The following TCF4 variants were observed in gnomAD, a reference collection of about 807,000 sequenced individuals.
TCF4 encodes the protein SL3-3 enhancer factor 2.
In TCF4, 3 loss-of-function variants were observed where a neutral mutation model predicts 82.1. The observed-to-expected ratio is 0.04, with a 90% CI of 0.02 to 0.09. The LOEUF (loss-of-function observed/expected upper bound fraction) is 0.09. TCF4 is among the 10% of genes least tolerant of loss of function. The probability of loss-of-function intolerance (pLI) is 1.00; values close to 1 mark genes in which losing one functional copy is unlikely to be tolerated. For synonymous variants in TCF4, 276 were observed against 309.6 expected (o/e 0.89, Z 1.14); for missense variants, 518 against 852.7 (o/e 0.61, Z 4.89).
intron 2 of TCF4, among the ~76,000 whole-genome samples, chr18:55,621,513 AT>A (rs1350666167): frequency 0.071 from 1 of 14 alleles, no homozygotes; most frequent in Non-Finnish European, 0.12. Flanking sequence ...TTATATATAT[AT>A]TATATAATAT....
At chr18:55,472,716 A>C (rs552854804) in intron 3 of TCF4, among the ~76,000 whole-genome samples, 3 of 152,098 alleles carry the variant, frequency 2.0e-5, no homozygotes, top group East Asian at 3.9e-4. Context: ...AACAATTGGA[A>C]GTAAGTTACC....
intron 8 of TCF4, chr18:55,322,320 C>T: frequency 9.8e-7 from 1 of 1,020,906 alleles, no homozygotes; most frequent in Non-Finnish European, 1.2e-6. Context: ...GTATGATGCA[C>T]ATCTAATAAC....
upstream of TCF4, chr18:55,589,885 G>A (rs1436263382): frequency 3.1e-5 from 30 of 978,002 alleles, no homozygotes; most frequent in Non-Finnish European, 3.5e-5. Context: ...CGACCATAGA[G>A]TGGTAAACAG....
At chr18:55,484,034 C>G (rs2096481736) in intron 3 of TCF4, among the ~76,000 whole-genome samples, 1 of 152,178 alleles carries the variant, frequency 6.6e-6, no homozygotes, top group African/African-American at 2.4e-5. Flanking sequence ...GTCCTCAAGG[C>G]AAGTTATTGG....
intron 8 of TCF4, among the ~76,000 whole-genome samples, chr18:55,306,284 G>A (rs545369388): frequency 5.9e-5 from 9 of 152,142 alleles, no homozygotes; most frequent in East Asian, 1.9e-4. Flanking sequence ...TTGAATTGCC[G>A]CCTACAGAAG....
intron 5 of TCF4, among the ~76,000 whole-genome samples, chr18:55,435,436 C>A (rs990819505): frequency 6.6e-6 from 1 of 152,224 alleles, no homozygotes; most frequent in Non-Finnish European, 1.5e-5. Context: ...GCCATGTTTA[C>A]TGTTTGTCTC....
intron 8 of TCF4, among the ~76,000 whole-genome samples, chr18:55,307,401 T>C (rs1319311468): frequency 6.6e-6 from 1 of 152,230 alleles, no homozygotes; most frequent in Non-Finnish European, 1.5e-5. Context: ...CCTCCAAGCC[T>C]GCATGAAGAG....
intron 10 of TCF4, among the ~76,000 whole-genome samples, chr18:55,273,287 T>C (rs1212622870): frequency 1.3e-5 from 2 of 152,160 alleles, no homozygotes; most frequent in Non-Finnish European, 2.9e-5. Flanking sequence ...GGCAATGATG[T>C]TTTTAAAATA....
At position 55,473,680 on chromosome 18, in the gene TCF4, A is replaced by C. The variant is rs529011957; in HGVS notation, c.146-9543T>G. On this transcript the variant is annotated intron_variant, in intron 3 of 19. Transcript: ENST00000354452. ...TTTTAGGCCAATTTTCTCTGTACTT[A>C]GGCTCAAATGTGCAAACCACACTAT... 1.5e-4 allele frequency among the ~76,000 whole-genome samples: 23 copies of C among 152,308 alleles called. No individual in the cohort carries two copies. The South Asian group carries it at 2.5e-3, about 16-fold the overall frequency.
At chr18:55,588,713 T>C, upstream of TCF4, 1 of 1,303,026 alleles carries the variant, frequency 7.7e-7, no homozygotes, top group Non-Finnish European at 9.7e-7. Flanking sequence ...CTTTTTCGTC[T>C]ATAAATCAAG....
At chr18:55,263,364 C>A (rs1030350253) in intron 11 of TCF4, among the ~76,000 whole-genome samples, 1 of 151,974 alleles carries the variant, frequency 6.6e-6, no homozygotes, top group African/African-American at 2.4e-5. Flanking sequence ...GCTCAGATAT[C>A]AAGAGTATTA....
intron 3 of TCF4, chr18:55,510,630 T>C (rs367956387): frequency 2.0e-6 from 3 of 1,515,548 alleles, no homozygotes; most frequent in East Asian, 5.0e-5. Flanking sequence ...CCCCAATATA[T>C]CTGGTGATTA....
intron 2 of TCF4, among the ~76,000 whole-genome samples, chr18:55,599,796 T>A (rs984590905): frequency 6.6e-6 from 1 of 152,232 alleles, no homozygotes; most frequent in Non-Finnish European, 1.5e-5. Flanking sequence ...TTTTTACTTA[T>A]ATATACATCA....
chr18:55,403,247 T>A (rs1168845294), intron 6 of TCF4, among the ~76,000 whole-genome samples: 1 of 152,148 alleles, frequency 6.6e-6, no homozygotes, highest in Admixed American at 6.6e-5. Context: ...AGCCCATGAA[T>A]GTAGTTCTGA....
chr18:55,267,588 A>G (rs2059474743), intron 11 of TCF4: 1 of 152,148 alleles, frequency 6.6e-6, no homozygotes, highest in Non-Finnish European at 1.5e-5. Context: ...ATTTTAAAGA[A>G]AAACATTCTA....
chr18:55,426,298 G>T (rs1170938960), intron 5 of TCF4, among the ~76,000 whole-genome samples: 3 of 152,054 alleles, frequency 2.0e-5, no homozygotes, highest in African/African-American at 7.2e-5. Context: ...AGAAAGAGAT[G>T]CAGCCACAGA....
At chr18:55,578,372 C>T (rs1363318326) in intron 3 of TCF4, among the ~76,000 whole-genome samples, 1 of 152,062 alleles carries the variant, frequency 6.6e-6, no homozygotes, top group East Asian at 1.9e-4. Context: ...TATTTGTGTC[C>T]TATTACAGCC....
At chr18:55,321,389 A>C (rs1438909656) in intron 8 of TCF4, 4 of 476,584 alleles carry the variant, frequency 8.4e-6, no homozygotes, top group African/African-American at 7.8e-5. Flanking sequence ...ACCACCTCTC[A>C]ACTTTACCTG....
At chr18:55,607,421 G>T (rs2097703160) in intron 2 of TCF4, among the ~76,000 whole-genome samples, 1 of 152,152 alleles carries the variant, frequency 6.6e-6, no homozygotes, top group African/African-American at 2.4e-5. Flanking sequence ...ATGTTACAAG[G>T]CCAGTGGATC....
Sources: allele counts gnomAD v4.1 joint callset (sites outside exome capture counted in the v4.1 genomes callset), GRCh38; gene constraint gnomAD v4.1.1; transcripts MANE v1.5; gene names NCBI Gene and HGNC (gene_info 2026-07-23, HGNC 2026-07-21).